The following AUTS2 variants were observed in gnomAD, a reference collection of about 807,000 sequenced individuals.
AUTS2 encodes the protein activator of transcription and developmental regulator AUTS2, also known as autism susceptibility gene 2 protein.
In AUTS2, 17 loss-of-function variants were observed where a neutral mutation model predicts 112.4. That is an observed-to-expected ratio of 0.15 (90% confidence interval 0.10 to 0.23). AUTS2 has a LOEUF of 0.23. AUTS2 is among the 10% of genes least tolerant of loss of function. The pLI, the probability that AUTS2 is intolerant of heterozygous loss-of-function variation, is 1.00. For missense variants in AUTS2, 1,510 were observed against 1,701.6 expected (o/e 0.89, Z 1.98); for synonymous variants, 751 against 702.7 (o/e 1.07, Z -1.09).
intron 1 of AUTS2, among the ~76,000 whole-genome samples, chr7:69,797,423 G>A (rs1019777082): frequency 1.3e-5 from 2 of 152,130 alleles, no homozygotes; most frequent in African/African-American, 4.8e-5. Context: ...AGTATTTCTG[G>A]GGCTGCAAGG....
chr7:70,525,607 A>G (rs1215165209), intron 5 of AUTS2, among the ~76,000 whole-genome samples: 2 of 152,180 alleles, frequency 1.3e-5, no homozygotes, highest in Non-Finnish European at 2.9e-5. Context: ...ACGGGTTATG[A>G]CTGAGCAACA....
intron 2 of AUTS2, among the ~76,000 whole-genome samples, chr7:70,051,565 A>G (rs2129559353): frequency 6.6e-6 from 1 of 152,054 alleles, no homozygotes; most frequent in South Asian, 2.1e-4. Flanking sequence ...AAAAATACCA[A>G]AAAATTACCC....
At chr7:70,336,199 T>TA (rs1562889121) in intron 4 of AUTS2, among the ~76,000 whole-genome samples, 2 of 152,184 alleles carry the variant, frequency 1.3e-5, no homozygotes, top group East Asian at 1.9e-4. Context: ...TGTTATTTGT[T>TA]AAAAAAATAA....
At chr7:70,648,153 A>G (rs968045631) in intron 5 of AUTS2, among the ~76,000 whole-genome samples, 1 of 152,192 alleles carries the variant, frequency 6.6e-6, no homozygotes, top group Non-Finnish European at 1.5e-5. Context: ...ACTAAAACAC[A>G]TGAAGAGTCT....
chr7:69,825,240 A>G (rs1023999323), intron 1 of AUTS2, among the ~76,000 whole-genome samples: 5 of 152,156 alleles, frequency 3.3e-5, no homozygotes, highest in Admixed American at 1.3e-4. Context: ...CTGGGGCAGA[A>G]GGACTTAAAA....
chr7:70,541,421 A>G (rs1163137798), intron 5 of AUTS2, among the ~76,000 whole-genome samples: 1 of 152,222 alleles, frequency 6.6e-6, no homozygotes, highest in Non-Finnish European at 1.5e-5. Flanking sequence ...TGCTCACCTT[A>G]TCTGCTCCAC....
chr7:69,754,108 T>A (rs1293336763), intron 1 of AUTS2, among the ~76,000 whole-genome samples: 1 of 152,154 alleles, frequency 6.6e-6, no homozygotes, highest in Non-Finnish European at 1.5e-5. Context: ...TTCCCTCCTC[T>A]GGTGTCTTCA....
intron 1 of AUTS2, among the ~76,000 whole-genome samples, chr7:69,614,314 C>CTTTCTTTCTTTCTTTCTTTCTT (rs1468098088): frequency 1.4e-4 from 12 of 83,414 alleles, no homozygotes; most frequent in South Asian, 9.5e-4. Context: ...CACTCTCCGT[C>CTTTCTTTCTTTCTTTCTTTCTT]TCTTTCTTTC....
chr7:70,177,362 G>A (rs1046999921), intron 4 of AUTS2, among the ~76,000 whole-genome samples: 4 of 151,904 alleles, frequency 2.6e-5, no homozygotes, highest in Admixed American at 2.0e-4. Context: ...GTAGCTGGCC[G>A]AGCCATGATT....
At chr7:70,552,444 GA>G (rs1801053920) in intron 5 of AUTS2, among the ~76,000 whole-genome samples, 1 of 152,160 alleles carries the variant, frequency 6.6e-6, no homozygotes, top group Non-Finnish European at 1.5e-5. Flanking sequence ...CAAAGATTTA[GA>G]AAGATTTAAG....
rs35883320 is a variant in AUTS2 at position 69,892,170 on chromosome 7, A to AT, written c.310-7096dup. Among the ~76,000 whole-genome samples, 1,107 of 125,274 alleles carry AT rather than the reference A, an allele frequency of 8.8e-3. 13 individuals are homozygous for AT. Among genetic ancestry groups the AT allele is most frequent in the South Asian group, 0.053 (207 of 3,870 alleles). The allele number at this position is 125,274 out of a possible 152,430, so 82.2% of individuals were successfully genotyped here. A position where few individuals can be genotyped will look rare whatever the true frequency, so the allele number is the denominator to read the frequency against. On this transcript the variant is annotated intron_variant, in intron 1 of 18. Transcript: ENST00000342771. ...GTTGTTTCCTTTTTTAGTTTTGAGA[A>AT]TTTTTTTTTTTTTTTTTTTTAAGAT...
chr7:69,676,875 G>A (rs1034613878), intron 1 of AUTS2, among the ~76,000 whole-genome samples: 1 of 149,158 alleles, frequency 6.7e-6, no homozygotes, highest in Non-Finnish European at 1.5e-5. Context: ...TTCATATATT[G>A]AAGTAGATTT....
chr7:70,309,701 TA>T (rs1248617528), intron 4 of AUTS2, among the ~76,000 whole-genome samples: 2 of 152,120 alleles, frequency 1.3e-5, no homozygotes, highest in East Asian at 1.9e-4. Flanking sequence ...ATGTAGTCTT[TA>T]AAAAAAGAGA....
At chr7:70,642,356 G>A (rs1438735601) in intron 5 of AUTS2, among the ~76,000 whole-genome samples, 1 of 149,756 alleles carries the variant, frequency 6.7e-6, no homozygotes, top group Non-Finnish European at 1.5e-5. Flanking sequence ...CTCACTTAAT[G>A]TTCTGGGAGT....
At chr7:70,709,207 G>A (rs1464230691) in intron 6 of AUTS2, among the ~76,000 whole-genome samples, 6 of 151,838 alleles carry the variant, frequency 4.0e-5, no homozygotes, top group African/African-American at 1.2e-4. Flanking sequence ...GTGAGCCACC[G>A]TACCCGGCCT....
chr7:70,661,863 A>C (rs937082829), intron 5 of AUTS2, among the ~76,000 whole-genome samples: 3 of 151,872 alleles, frequency 2.0e-5, no homozygotes, highest in South Asian at 2.1e-4. Flanking sequence ...GGCTTTTTGG[A>C]TACTGTTGTT....
chr7:69,650,710 C>T (rs894476074), intron 1 of AUTS2, among the ~76,000 whole-genome samples: 1 of 152,208 alleles, frequency 6.6e-6, no homozygotes, highest in African/African-American at 2.4e-5. Flanking sequence ...GTTGCAAGCC[C>T]ATGAAGATGT....
At chr7:70,335,578 G>A (rs1429493250) in intron 4 of AUTS2, among the ~76,000 whole-genome samples, 1 of 152,196 alleles carries the variant, frequency 6.6e-6, no homozygotes, top group African/African-American at 2.4e-5. Context: ...GGAGCACTTG[G>A]TACAAATGTT....
intron 6 of AUTS2, among the ~76,000 whole-genome samples, chr7:70,726,650 T>C (rs1787049964): frequency 6.6e-6 from 1 of 152,178 alleles, no homozygotes; most frequent in Non-Finnish European, 1.5e-5. Context: ...GAAGATAACA[T>C]CTTAAGCATT....
Sources: gnomAD v4.1 joint callset for allele counts (sites outside exome capture counted in the v4.1 genomes callset) on GRCh38, gnomAD v4.1.1 for gene constraint, MANE v1.5 for transcripts, NCBI Gene and HGNC (gene_info 2026-07-23, HGNC 2026-07-21) for gene names.